The following LINGO2 variants were observed in gnomAD, a reference collection of about 807,000 sequenced individuals.
The protein encoded by LINGO2 is leucine rich repeat and Ig domain containing 2, also known as leucine-rich repeat and immunoglobulin-like domain-containing nogo receptor-interacting protein 2.
A neutral mutation model predicts 30.6 loss-of-function variants in LINGO2; 14 were observed. The ratio of observed to expected loss-of-function variants is 0.46; its 90% CI spans 0.30 to 0.72. LINGO2 has a LOEUF of 0.72. LINGO2 is among the 30% of genes least tolerant of loss of function. The probability of loss-of-function intolerance (pLI) is 0.07; values close to 1 mark genes in which losing one functional copy is unlikely to be tolerated. For synonymous variants in LINGO2, 317 were observed against 288.5 expected (o/e 1.10, Z -1.00); for missense variants, 729 against 751.7 (o/e 0.97, Z 0.35).
intron 1 of LINGO2, among the ~76,000 whole-genome samples, chr9:28,597,208 A>G (rs1293873081): frequency 1.3e-5 from 2 of 152,174 alleles, no homozygotes; most frequent in East Asian, 1.9e-4. Flanking sequence ...TAAGGCATCT[A>G]CTAGCTTTGG....
chr9:28,815,797 C>A, the LINGO2 span, among the ~76,000 whole-genome samples: 1 of 152,288 alleles, frequency 6.6e-6, no homozygotes, highest in African/African-American at 2.4e-5. Context: ...TATTAAAATG[C>A]TTCTTACATG....
the LINGO2 span, among the ~76,000 whole-genome samples, chr9:28,698,203 T>C: frequency 1.3e-5 from 2 of 152,078 alleles, no homozygotes; most frequent in Non-Finnish European, 2.9e-5. Context: ...GCTTTTTACT[T>C]ACACGATAAA....
At chr9:29,023,829 A>G in the LINGO2 span, among the ~76,000 whole-genome samples, 2 of 152,168 alleles carry the variant, frequency 1.3e-5, no homozygotes, top group Non-Finnish European at 2.9e-5. Context: ...AGGCCAAAAA[A>G]TTATATCGGA....
At chr9:28,781,791 A>G in the LINGO2 span, among the ~76,000 whole-genome samples, 1 of 152,182 alleles carries the variant, frequency 6.6e-6, no homozygotes, top group African/African-American at 2.4e-5. Context: ...ACTTAATTCC[A>G]TGTTATGCAA....
At chr9:28,885,956 T>A in the LINGO2 span, among the ~76,000 whole-genome samples, 1 of 152,214 alleles carries the variant, frequency 6.6e-6, no homozygotes, top group Non-Finnish European at 1.5e-5. Flanking sequence ...TACTCTTTTA[T>A]CTTGGTAATT....
the LINGO2 span, among the ~76,000 whole-genome samples, chr9:28,804,614 A>G: frequency 6.6e-6 from 1 of 152,116 alleles, no homozygotes. Flanking sequence ...TACCTTAATC[A>G]GAAGCAATTT....
At chr9:28,398,623 A>C (rs531929459) in intron 2 of LINGO2, among the ~76,000 whole-genome samples, 1 of 152,158 alleles carries the variant, frequency 6.6e-6, no homozygotes, top group South Asian at 2.1e-4. Flanking sequence ...ATAAAATCTC[A>C]CAGCATGCTG....
chr9:28,664,244 G>A (rs895105809), intron 1 of LINGO2, among the ~76,000 whole-genome samples: 1 of 152,052 alleles, frequency 6.6e-6, no homozygotes, highest in Non-Finnish European at 1.5e-5. Context: ...AGGATGATTG[G>A]ACTTCTTCCT....
the LINGO2 span, among the ~76,000 whole-genome samples, chr9:28,998,206 T>C: frequency 4.6e-5 from 7 of 152,042 alleles, no homozygotes; most frequent in Non-Finnish European, 1.0e-4. Flanking sequence ...TTAATGCCTG[T>C]TTTGTTTGTG....
At chr9:28,067,031 G>A (rs987258137) in intron 4 of LINGO2, among the ~76,000 whole-genome samples, 1 of 151,852 alleles carries the variant, frequency 6.6e-6, no homozygotes, top group African/African-American at 2.4e-5. Context: ...TACTCACCTC[G>A]TTATTTGCTT....
chr9:28,643,928 C>G (rs760236410), intron 1 of LINGO2, among the ~76,000 whole-genome samples: 4 of 151,866 alleles, frequency 2.6e-5, no homozygotes, highest in Admixed American at 2.0e-4. Flanking sequence ...AATAGGCATA[C>G]GAAATGGTGT....
chr9:28,474,166 C>G (rs939445706), intron 2 of LINGO2, among the ~76,000 whole-genome samples: 2 of 152,150 alleles, frequency 1.3e-5, no homozygotes, highest in Non-Finnish European at 2.9e-5. Flanking sequence ...GTGCATTTTA[C>G]TTTGCACCAA....
rs146428026 is a variant in LINGO2, at chr9:28,184,950, C to A, written c.-87+110258G>T. 2.1e-3 allele frequency among the ~76,000 whole-genome samples: 320 copies of A among 151,942 alleles called. 3 individuals are homozygous for A. The highest frequency in any genetic ancestry group is 7.4e-3 in the African/African-American group (307 of 41,464). On this transcript the variant is annotated intron_variant, in intron 4 of 5. Coordinates refer to ENST00000379992, the Ensembl canonical transcript of LINGO2. Reference sequence around the variant, plus strand: ...AGAAAGGGGAAATTAAAACAAAACACAACAAAACAAAACAAAAAAAAATCT... The same window carrying A: ...AGAAAGGGGAAATTAAAACAAAACAAAACAAAACAAAACAAAAAAAAATCT...
chr9:28,181,616 T>A (rs1185148915), intron 4 of LINGO2, among the ~76,000 whole-genome samples: 1 of 152,146 alleles, frequency 6.6e-6, no homozygotes, highest in African/African-American at 2.4e-5. Flanking sequence ...TTGGGAAGCC[T>A]AATGAAATGT....
At chr9:29,119,577 CTT>C in the LINGO2 span, among the ~76,000 whole-genome samples, 11,742 of 82,654 alleles carry the variant, frequency 0.14, 289 homozygotes, top group East Asian at 0.3. Context: ...CAGTTGTCAT[CTT>C]TTTTTTTTTT....
intron 4 of LINGO2, among the ~76,000 whole-genome samples, chr9:28,052,695 G>C (rs1824731437): frequency 6.6e-6 from 1 of 151,856 alleles, no homozygotes. Context: ...TGGCAGTTAG[G>C]GTCTCCAAAC....
chr9:29,158,854 C>G, the LINGO2 span, among the ~76,000 whole-genome samples: 1 of 151,304 alleles, frequency 6.6e-6, no homozygotes, highest in African/African-American at 2.4e-5. Flanking sequence ...TACAGAATAT[C>G]CTAAACCCTT....
At chr9:28,531,048 A>AATAAAT (rs1554733106) in intron 1 of LINGO2, among the ~76,000 whole-genome samples, 3 of 146,454 alleles carry the variant, frequency 2.0e-5, no homozygotes, top group African/African-American at 7.5e-5. Flanking sequence ...TATAAAAATA[A>AATAAAT]ATATATATAT....
At chr9:29,085,794 T>G in the LINGO2 span, among the ~76,000 whole-genome samples, 1 of 152,172 alleles carries the variant, frequency 6.6e-6, no homozygotes, top group South Asian at 2.1e-4. Context: ...AGATAAATGT[T>G]TATCCACTAC....
Sources: gnomAD v4.1 joint callset for allele counts (sites outside exome capture counted in the v4.1 genomes callset) on GRCh38, gnomAD v4.1.1 for gene constraint, MANE v1.5 for transcripts, NCBI Gene and HGNC (gene_info 2026-07-23, HGNC 2026-07-21) for gene names.